The following PIK3C2G variants were observed in gnomAD, a reference collection of about 807,000 sequenced individuals.
PIK3C2G encodes the protein phosphatidylinositol-4-phosphate 3-kinase catalytic subunit type 2 gamma, also known as phosphatidylinositol 3-kinase C2 domain-containing subunit gamma.
In PIK3C2G, 168 loss-of-function variants were observed where a neutral mutation model predicts 181.1. The ratio of observed to expected loss-of-function variants is 0.93; its 90% CI spans 0.82 to 1.05. The LOEUF is 1.05. Ranked by LOEUF, PIK3C2G falls within the 50% of genes least tolerant of loss-of-function variation. PIK3C2G has a pLI of 0.00. For synonymous variants in PIK3C2G, 573 were observed against 592.2 expected (o/e 0.97, Z 0.47); for missense variants, 1,869 against 1,732.8 (o/e 1.08, Z -1.40).
the PIK3C2G span, among the ~76,000 whole-genome samples, chr12:18,707,547 C>T: frequency 6.6e-6 from 1 of 152,104 alleles, no homozygotes; most frequent in Non-Finnish European, 1.5e-5. Flanking sequence ...CATTTCCTTA[C>T]CAAAGGCTGT....
At position 18,416,435 on chromosome 12, in the gene PIK3C2G, T is replaced by C. The variant is rs143980741; in HGVS notation, c.2316-4506T>C. Among the ~76,000 whole-genome samples, 1,072 of 152,238 alleles carry C rather than the reference T, an allele frequency of 7.0e-3. 6 individuals are homozygous for C. Among genetic ancestry groups the C allele is most frequent in the African/African-American group, 0.019 (783 of 41,552 alleles). ...TCAATATAGATGAAACAACCTTCTA[T>C]TGGAAAAAGATGCTATCTAGGATTT... On this transcript the variant is annotated intron_variant, in intron 16 of 32. Transcript: ENST00000538779.
chr12:18,460,401 G>A (rs995285762), intron 18 of PIK3C2G, among the ~76,000 whole-genome samples: 2 of 151,716 alleles, frequency 1.3e-5, no homozygotes, highest in African/African-American at 4.8e-5. Flanking sequence ...GTGAAACACC[G>A]GCTCTACTAA....
At chr12:18,409,541 T>C (rs2135615423) in intron 16 of PIK3C2G, among the ~76,000 whole-genome samples, 1 of 152,138 alleles carries the variant, frequency 6.6e-6, no homozygotes, top group South Asian at 2.1e-4. Context: ...GAACTTAAAG[T>C]ATAATTTAAA....
At chr12:18,287,944 T>C (rs532156786) in intron 3 of PIK3C2G, among the ~76,000 whole-genome samples, 74 of 152,114 alleles carry the variant, frequency 4.9e-4, no homozygotes, top group African/African-American at 1.6e-3. Context: ...GGTGGATCAC[T>C]TGAGGCCAGG....
chr12:18,692,862 G>A, the PIK3C2G span: 1 of 1,601,438 alleles, frequency 6.2e-7, no homozygotes, highest in Non-Finnish European at 8.5e-7. Context: ...TGAACCTCCT[G>A]TACCAACTAC....
chr12:18,386,958 A>G (rs1176835002), intron 14 of PIK3C2G, among the ~76,000 whole-genome samples: 1 of 152,160 alleles, frequency 6.6e-6, no homozygotes, highest in Non-Finnish European at 1.5e-5. Context: ...AGACAAATAT[A>G]GCCACATACT....
At chr12:18,666,124 G>T in the PIK3C2G span, among the ~76,000 whole-genome samples, 1 of 151,482 alleles carries the variant, frequency 6.6e-6, no homozygotes, top group East Asian at 1.9e-4. Flanking sequence ...AAATGAAAAA[G>T]AAATCAAGTG....
chr12:18,574,727 G>A (rs550444523), intron 29 of PIK3C2G, among the ~76,000 whole-genome samples: 3 of 152,244 alleles, frequency 2.0e-5, no homozygotes, highest in African/African-American at 7.2e-5. Flanking sequence ...GTAACAGTAG[G>A]AAAACAGCTA....
At chr12:18,420,796 G>A (rs1477805550) in intron 16 of PIK3C2G, 145 bp from the exon 17 acceptor site, 1 of 515,234 alleles carries the variant, frequency 1.9e-6, no homozygotes. Context: ...AGAATTATTT[G>A]GTGCTAATAT....
chr12:18,268,243 G>A (rs553596159), intron 1 of PIK3C2G, among the ~76,000 whole-genome samples: 2 of 152,132 alleles, frequency 1.3e-5, no homozygotes, highest in Non-Finnish European at 2.9e-5. Context: ...GAGTCTTTGT[G>A]GCTGGTAATG....
chr12:18,722,805 G>A, the PIK3C2G span, among the ~76,000 whole-genome samples: 6 of 151,844 alleles, frequency 4.0e-5, no homozygotes, highest in Non-Finnish European at 5.9e-5. Flanking sequence ...ATATATTTAC[G>A]AAATGTTGTA....
At position 18,538,924 on chromosome 12, in the gene PIK3C2G, A is replaced by G. The variant is rs147430780; in HGVS notation, c.3480+612A>G. ...CACTTTAAAGAGATGGAGACCAGAT[A>G]TGTACCATGAGGGAAGAAAAATCTG... On this transcript the variant is annotated intron_variant, in intron 25 of 32. Transcript: ENST00000538779. 2.4e-3 allele frequency among the ~76,000 whole-genome samples: 360 copies of G among 152,098 alleles called. 1 individual carries two copies. Among genetic ancestry groups the G allele is most frequent in the African/African-American group, 8.3e-3 (345 of 41,552 alleles).
chr12:18,552,007 G>T (rs1040900773), intron 26 of PIK3C2G, among the ~76,000 whole-genome samples: 1 of 152,078 alleles, frequency 6.6e-6, no homozygotes, highest in Non-Finnish European at 1.5e-5. Flanking sequence ...CCCTTTCACA[G>T]AAAAATAGCC....
intron 30 of PIK3C2G, among the ~76,000 whole-genome samples, chr12:18,605,941 A>C (rs943627990): frequency 6.6e-6 from 1 of 152,166 alleles, no homozygotes; most frequent in Non-Finnish European, 1.5e-5. Context: ...CCTCATGTGT[A>C]AAATGGAGAT....
chr12:18,348,490 C>CT (rs1325531496), intron 11 of PIK3C2G, among the ~76,000 whole-genome samples: 1 of 151,956 alleles, frequency 6.6e-6, no homozygotes, highest in Non-Finnish European at 1.5e-5. Flanking sequence ...TAAAATAATG[C>CT]TTTTCTGCAA....
At chr12:18,290,803 C>T in intron 3 of PIK3C2G, 52 bp from the exon 4 acceptor site, 1 of 1,149,102 alleles carries the variant, frequency 8.7e-7, no homozygotes, top group African/African-American at 1.5e-5. Context: ...ATGTTTTAAA[C>T]TGTGTCTTGC....
chr12:18,500,156 C>T (rs141537495), intron 22 of PIK3C2G, among the ~76,000 whole-genome samples: 2,248 of 152,270 alleles, frequency 0.015, 59 homozygotes, highest in African/African-American at 0.052. Context: ...GGGAGAGGCG[C>T]GGCCGGGAAC....
rs189885888 is a variant in PIK3C2G, at chr12:18,625,287, T to A, written c.4183-15142T>A. Among the ~76,000 whole-genome samples, 1,181 of 151,868 alleles carry A rather than the reference T, an allele frequency of 7.8e-3. 9 individuals carry two copies. The highest frequency in any genetic ancestry group is 0.012 in the African/African-American group (514 of 41,516). ...AATTTCTTCATTGACCTATTGGCTG[T>A]TCAGGGGTGTGTGGTTTAATTTCTA... On this transcript the variant is annotated intron_variant, in intron 31 of 32. Transcript: ENST00000538779.
intron 31 of PIK3C2G, among the ~76,000 whole-genome samples, chr12:18,630,413 A>T (rs2136720281): frequency 6.6e-6 from 1 of 152,280 alleles, no homozygotes; most frequent in Non-Finnish European, 1.5e-5. Context: ...AAACAAAAAC[A>T]AAAACAACAA....
Sources: gnomAD v4.1 joint callset for allele counts (sites outside exome capture counted in the v4.1 genomes callset) on GRCh38, gnomAD v4.1.1 for gene constraint, MANE v1.5 for transcripts, NCBI Gene and HGNC (gene_info 2026-07-23, HGNC 2026-07-21) for gene names.